Variants in XKR4 observed in about 807,000 individuals in gnomAD.
The protein encoded by XKR4 is XK related 4.
XKR4 carries 12 observed loss-of-function variants against 53.9 expected under a neutral mutation model. The ratio of observed to expected loss-of-function variants is 0.22; its 90% CI spans 0.14 to 0.36. XKR4 has a LOEUF of 0.36. Ranked by LOEUF, XKR4 falls within the 10% of genes least tolerant of loss-of-function variation. The pLI, the probability that XKR4 is intolerant of heterozygous loss-of-function variation, is 1.00. For synonymous variants in XKR4, 354 were observed against 362.4 expected (o/e 0.98, Z 0.26); for missense variants, 799 against 859.5 (o/e 0.93, Z 0.88).
At chr8:55,431,184 G>A (rs111386947) in intron 2 of XKR4, among the ~76,000 whole-genome samples, 3 of 152,168 alleles carry the variant, frequency 2.0e-5, no homozygotes, top group African/African-American at 2.4e-5. Context: ...ATTAGAATGT[G>A]CTCACATTGA....
intron 2 of XKR4, among the ~76,000 whole-genome samples, chr8:55,416,442 C>G (rs905375588): frequency 6.6e-6 from 1 of 152,176 alleles, no homozygotes; most frequent in Admixed American, 6.5e-5. Context: ...ACCATAGCTT[C>G]ACAGTCTCAT....
intron 1 of XKR4, among the ~76,000 whole-genome samples, chr8:55,121,238 C>T (rs548917932): frequency 2.6e-5 from 4 of 152,288 alleles, no homozygotes; most frequent in Admixed American, 1.3e-4. Flanking sequence ...TACCAAGTAG[C>T]ATGATTGCTG....
intron 1 of XKR4, among the ~76,000 whole-genome samples, chr8:55,280,276 G>C (rs1179121717): frequency 1.3e-5 from 2 of 152,142 alleles, no homozygotes; most frequent in Admixed American, 6.5e-5. Flanking sequence ...AAGGGAGTTT[G>C]TTTGTTAGGC....
intron 1 of XKR4, among the ~76,000 whole-genome samples, chr8:55,282,163 A>G (rs1818852979): frequency 1.3e-5 from 2 of 152,236 alleles, no homozygotes; most frequent in Admixed American, 6.5e-5. Flanking sequence ...ATGATAATAC[A>G]GTCATGTACT....
intron 2 of XKR4, among the ~76,000 whole-genome samples, chr8:55,438,317 G>A (rs1376364115): frequency 1.3e-5 from 2 of 152,110 alleles, no homozygotes; most frequent in Non-Finnish European, 2.9e-5. Flanking sequence ...GAGGATTGTG[G>A]TAGCTCATGC....
intron 2 of XKR4, among the ~76,000 whole-genome samples, chr8:55,483,979 T>C (rs2129401507): frequency 6.6e-6 from 1 of 151,916 alleles, no homozygotes; most frequent in Admixed American, 6.6e-5. Context: ...GAAGACAAAA[T>C]ATGCATATCA....
At chr8:55,309,857 A>G (rs1002302940) in intron 1 of XKR4, among the ~76,000 whole-genome samples, 9 of 152,332 alleles carry the variant, frequency 5.9e-5, no homozygotes, top group East Asian at 3.9e-4. Flanking sequence ...GGACAAAGCT[A>G]TCTAATTCGC....
chr8:55,246,068 C>T (rs1006980171), intron 1 of XKR4, among the ~76,000 whole-genome samples: 1 of 152,218 alleles, frequency 6.6e-6, no homozygotes, highest in East Asian at 1.9e-4. Flanking sequence ...TGTCACTGAA[C>T]TATAGCCTGG....
At chr8:55,455,720 A>G (rs1805560028) in intron 2 of XKR4, among the ~76,000 whole-genome samples, 1 of 152,228 alleles carries the variant, frequency 6.6e-6, no homozygotes, top group South Asian at 2.1e-4. Context: ...TAACCAATGC[A>G]TTTGTGCAGG....
At chr8:55,253,032 G>A (rs1489866068) in intron 1 of XKR4, among the ~76,000 whole-genome samples, 2 of 152,114 alleles carry the variant, frequency 1.3e-5, no homozygotes, top group Non-Finnish European at 2.9e-5. Context: ...GGGAGAGTAG[G>A]ATATGATACC....
chr8:55,304,817 A>T (rs1400536564), intron 1 of XKR4, among the ~76,000 whole-genome samples: 2 of 151,822 alleles, frequency 1.3e-5, no homozygotes, highest in Non-Finnish European at 2.9e-5. Flanking sequence ...TAGGATTGCA[A>T]CCCCTGCCTT....
At chr8:55,408,068 G>A (rs957146700) in intron 2 of XKR4, among the ~76,000 whole-genome samples, 1 of 152,194 alleles carries the variant, frequency 6.6e-6, no homozygotes, top group African/African-American at 2.4e-5. Flanking sequence ...TCCCAGTGCT[G>A]TTCCAATGCC....
intron 2 of XKR4, among the ~76,000 whole-genome samples, chr8:55,475,660 G>C (rs1805972674): frequency 6.6e-6 from 1 of 151,760 alleles, no homozygotes; most frequent in South Asian, 2.1e-4. Flanking sequence ...CTGGAGTGCA[G>C]TGGCATGATC....
intron 1 of XKR4, among the ~76,000 whole-genome samples, chr8:55,242,725 A>G (rs1818227894): frequency 6.6e-6 from 1 of 152,074 alleles, no homozygotes; most frequent in Non-Finnish European, 1.5e-5. Flanking sequence ...CTGGCTTTAG[A>G]AGGCAGTTGG....
At chr8:55,410,617 C>T (rs1416619923) in intron 2 of XKR4, among the ~76,000 whole-genome samples, 2 of 152,118 alleles carry the variant, frequency 1.3e-5, no homozygotes, top group African/African-American at 2.4e-5. Context: ...CTTGAAGCAC[C>T]GTGCCTCTGC....
intron 1 of XKR4, among the ~76,000 whole-genome samples, chr8:55,138,610 C>G (rs1189818054): frequency 6.6e-6 from 1 of 152,200 alleles, no homozygotes; most frequent in East Asian, 1.9e-4. Flanking sequence ...GGATGTGCTT[C>G]TAATTAAAGG....
chr8:55,350,882 T>C (rs1585533732), intron 1 of XKR4, among the ~76,000 whole-genome samples: 1 of 151,640 alleles, frequency 6.6e-6, no homozygotes, highest in Non-Finnish European at 1.5e-5. Flanking sequence ...TGGGATTACA[T>C]GCGTGCGCCA....
chr8:55,152,665 A>G (rs1159649779), intron 1 of XKR4, among the ~76,000 whole-genome samples: 2 of 128,584 alleles, frequency 1.6e-5, no homozygotes, highest in East Asian at 4.6e-4. Context: ...GATAATACTA[A>G]TGCTTTGTGA....
chr8:55,214,696 G>A (rs1817777450), intron 1 of XKR4, among the ~76,000 whole-genome samples: 1 of 152,112 alleles, frequency 6.6e-6, no homozygotes, highest in South Asian at 2.1e-4. Context: ...CTGGCCCAGG[G>A]GTGGAGTGGG....
Sources: allele counts gnomAD v4.1 joint callset (sites outside exome capture counted in the v4.1 genomes callset), GRCh38; gene constraint gnomAD v4.1.1; transcripts MANE v1.5; gene names NCBI Gene and HGNC (gene_info 2026-07-23, HGNC 2026-07-21).